The following PHF21B variants were observed in gnomAD, a reference collection of about 807,000 sequenced individuals.
PHF21B encodes PHD finger protein 4.
Under a neutral mutation model 62.2 loss-of-function variants are expected in PHF21B, and 22 were observed. The ratio of observed to expected loss-of-function variants is 0.35; its 90% CI spans 0.25 to 0.51. The LOEUF is 0.51. Among genes scored for constraint, PHF21B ranks in the 20% least tolerant of loss-of-function variants. The pLI, the probability that PHF21B is intolerant of heterozygous loss-of-function variation, is 0.97. For missense variants in PHF21B, 701 were observed against 707.9 expected (o/e 0.99, Z 0.11); for synonymous variants, 341 against 314.7 (o/e 1.08, Z -0.88).
intron 7 of PHF21B, among the ~76,000 whole-genome samples, chr22:44,891,842 G>C (rs1330433767): frequency 1.3e-5 from 2 of 152,224 alleles, no homozygotes; most frequent in African/African-American, 2.4e-5. Context: ...AGCGGCCTTA[G>C]TCCTGGCTTT....
chr22:44,987,761 G>A (rs916364377), intron 2 of PHF21B, among the ~76,000 whole-genome samples: 3 of 41,094 alleles, frequency 7.3e-5, no homozygotes, highest in East Asian at 6.6e-4. Flanking sequence ...ACACTCTCTC[G>A]TCTCCTCTCT....
At chr22:44,979,768 G>A (rs932487167) in intron 2 of PHF21B, among the ~76,000 whole-genome samples, 1 of 152,054 alleles carries the variant, frequency 6.6e-6, no homozygotes, top group Non-Finnish European at 1.5e-5. Context: ...TGTTCATTGA[G>A]GTAAAACCAT....
chr22:45,008,713 G>T, intron 1 of PHF21B, 103 bp from the exon 2 acceptor site: 1 of 1,123,342 alleles, frequency 8.9e-7, no homozygotes, highest in Non-Finnish European at 1.1e-6. Context: ...CACGGGCGGG[G>T]CCGGCCGCAG....
chr22:44,972,933 G>A (rs2072666811), intron 2 of PHF21B, among the ~76,000 whole-genome samples: 2 of 152,194 alleles, frequency 1.3e-5, no homozygotes, highest in Non-Finnish European at 2.9e-5. Context: ...GGCAGGCAGG[G>A]CGCTCAGAGA....
chr22:44,988,959 C>A (rs1054021659), intron 2 of PHF21B, among the ~76,000 whole-genome samples: 1 of 152,140 alleles, frequency 6.6e-6, no homozygotes, highest in Non-Finnish European at 1.5e-5. Flanking sequence ...CAGACAGACA[C>A]CCTCAGCCTC....
chr22:44,933,041 C>T (rs1429605415), intron 2 of PHF21B, among the ~76,000 whole-genome samples: 3 of 152,176 alleles, frequency 2.0e-5, no homozygotes, highest in East Asian at 1.9e-4. Context: ...GTCCTGTCCT[C>T]GGGGACAGAC....
chr22:44,952,904 C>G (rs2072221985), intron 2 of PHF21B, among the ~76,000 whole-genome samples: 1 of 152,180 alleles, frequency 6.6e-6, no homozygotes, highest in Admixed American at 6.5e-5. Context: ...GGGCACCCTC[C>G]TAGCCCTCGG....
At chr22:44,892,282 G>T (rs1038438596) in intron 7 of PHF21B, among the ~76,000 whole-genome samples, 14 of 152,252 alleles carry the variant, frequency 9.2e-5, no homozygotes, top group African/African-American at 3.4e-4. Context: ...TGAATGGTAT[G>T]AAACGGCCCA....
intron 2 of PHF21B, among the ~76,000 whole-genome samples, chr22:44,955,125 G>A (rs555252492): frequency 5.5e-4 from 83 of 152,180 alleles, no homozygotes; most frequent in Non-Finnish European, 9.7e-4. Context: ...AGAAGTCAGC[G>A]GTCATGCTGT....
chr22:45,006,635 C>T (rs1255095977), intron 2 of PHF21B, among the ~76,000 whole-genome samples: 1 of 152,044 alleles, frequency 6.6e-6, no homozygotes, highest in Non-Finnish European at 1.5e-5. Context: ...ATGATCAAAC[C>T]CAAGCTCAGA....
chr22:44,949,893 T>C (rs1248061741), intron 2 of PHF21B, among the ~76,000 whole-genome samples: 3 of 152,192 alleles, frequency 2.0e-5, no homozygotes, highest in Non-Finnish European at 2.9e-5. Context: ...TTAAAGCCCA[T>C]GTACTTTAAC....
intron 12 of PHF21B, 119 bp downstream of exon 12, chr22:44,885,307 G>A (rs1305967641): frequency 2.2e-6 from 2 of 916,882 alleles, no homozygotes; most frequent in Non-Finnish European, 1.6e-6. Flanking sequence ...GCTCCTTCCT[G>A]CACTGCTGAG....
At chr22:44,941,623 C>T (rs2071958727) in intron 2 of PHF21B, among the ~76,000 whole-genome samples, 1 of 152,194 alleles carries the variant, frequency 6.6e-6, no homozygotes, top group Non-Finnish European at 1.5e-5. Context: ...CCACTTCCCA[C>T]GTTAGCAGGG....
chr22:44,932,390 G>A (rs1388233705), intron 2 of PHF21B, among the ~76,000 whole-genome samples: 2 of 152,250 alleles, frequency 1.3e-5, no homozygotes, highest in East Asian at 3.9e-4. Flanking sequence ...TCCTAGCCAG[G>A]GGGCCCTGAA....
chr22:44,993,001 G>A (rs2073065534), intron 2 of PHF21B, among the ~76,000 whole-genome samples: 1 of 152,144 alleles, frequency 6.6e-6, no homozygotes, highest in South Asian at 2.1e-4. Context: ...ACAGGGCATG[G>A]GACTCTGCAT....
At chr22:45,007,157 G>C (rs559524299) in intron 2 of PHF21B, among the ~76,000 whole-genome samples, 9 of 151,168 alleles carry the variant, frequency 6.0e-5, no homozygotes, top group Admixed American at 3.3e-4. Context: ...CCAAGCCTTC[G>C]GTCCAGCCCG....
chr22:44,969,332 G>A (rs1383790717), intron 2 of PHF21B: 4 of 152,260 alleles, frequency 2.6e-5, no homozygotes, highest in Non-Finnish European at 4.4e-5. Context: ...GAGTCAGGAG[G>A]GTGTGGGGTT....
At chr22:44,922,632 CAAA>C (rs1034804923) in intron 2 of PHF21B, among the ~76,000 whole-genome samples, 1 of 143,948 alleles carries the variant, frequency 6.9e-6, no homozygotes, top group South Asian at 2.2e-4. Flanking sequence ...AACTCCATCT[CAAA>C]AAAAAAGAAA....
At chr22:44,887,567 C>T (rs2070881321) in intron 10 of PHF21B, among the ~76,000 whole-genome samples, 1 of 151,796 alleles carries the variant, frequency 6.6e-6, no homozygotes. Context: ...CCAGCCTGGC[C>T]AACATGGTGA....
Sources: allele counts gnomAD v4.1 joint callset (sites outside exome capture counted in the v4.1 genomes callset), GRCh38; gene constraint gnomAD v4.1.1; transcripts MANE v1.5; gene names NCBI Gene and HGNC (gene_info 2026-07-23, HGNC 2026-07-21).